Variants in CADPS2 observed in about 807,000 individuals in gnomAD.
CADPS2 encodes the protein calcium dependent secretion activator 2, also known as calcium-dependent secretion activator 2.
Under a neutral mutation model 172.5 loss-of-function variants are expected in CADPS2, and 93 were observed. The ratio of observed to expected loss-of-function variants is 0.54; its 90% CI spans 0.46 to 0.64. The LOEUF (loss-of-function observed/expected upper bound fraction) is 0.64, where lower values mean the gene tolerates loss of function less well. Among genes scored for constraint, CADPS2 ranks in the 30% least tolerant of loss-of-function variants. CADPS2 has a pLI of 0.00. For synonymous variants in CADPS2, 546 were observed against 555.2 expected, an observed-to-expected ratio of 0.98 and a Z score of 0.23; for missense variants, 1,420 against 1,565.9, an observed-to-expected ratio of 0.91 and a Z score of 1.57.
chr7:122,837,959 T>A lies in CADPS2; in HGVS notation c.339+48040A>T, dbSNP rs185541983. On this transcript the variant is annotated intron_variant, in intron 1 of 29. Transcript: ENST00000449022. ...CCAGCATCATCCTGATACCAAAGCC[T>A]GGCAGAGACACAACAAAAAAAGAGA... 1.8e-4 allele frequency among the ~76,000 whole-genome samples: 27 copies of A among 152,162 alleles called. No homozygotes were observed. The East Asian group carries it at 5.0e-3, about 28-fold the overall frequency.
chr7:122,437,558 T>A, intron 17 of CADPS2, among the ~76,000 whole-genome samples: 1 of 152,220 alleles, frequency 6.6e-6, no homozygotes, highest in Non-Finnish European at 1.5e-5. Flanking sequence ...ACTTTTATTT[T>A]CAGATAAGTA....
At chr7:122,645,422 T>C (rs1481072205) in intron 3 of CADPS2, among the ~76,000 whole-genome samples, 3 of 100,958 alleles carry the variant, frequency 3.0e-5, no homozygotes, top group African/African-American at 6.6e-5. Context: ...CACATGTATA[T>C]GTGTGTATAT....
At chr7:122,503,030 CTTTT>C (rs11293004) in intron 9 of CADPS2, among the ~76,000 whole-genome samples, 9 of 102,780 alleles carry the variant, frequency 8.8e-5, no homozygotes, top group East Asian at 3.0e-4. Flanking sequence ...GAGAAAAAAA[CTTTT>C]TTTTTTTTTT....
chr7:122,522,432 A>G (rs2060881003), intron 8 of CADPS2, among the ~76,000 whole-genome samples: 2 of 152,012 alleles, frequency 1.3e-5, no homozygotes, highest in Admixed American at 1.3e-4. Context: ...ATTAAAAAAA[A>G]ATTTTACTGA....
chr7:122,673,287 T>C (rs1588308552), intron 2 of CADPS2, among the ~76,000 whole-genome samples: 1 of 152,324 alleles, frequency 6.6e-6, no homozygotes, highest in Admixed American at 6.5e-5. Flanking sequence ...TTTATTCCTT[T>C]ATCTGGCCCC....
intron 1 of CADPS2, among the ~76,000 whole-genome samples, chr7:122,817,303 C>T (rs1023675928): frequency 1.3e-5 from 2 of 152,182 alleles, no homozygotes; most frequent in African/African-American, 4.8e-5. Flanking sequence ...GCCCAAGGAA[C>T]ATCTCACCAA....
chr7:122,782,085 ATAAT>A (rs1315384047), intron 1 of CADPS2, among the ~76,000 whole-genome samples: 2 of 152,308 alleles, frequency 1.3e-5, no homozygotes, highest in South Asian at 4.1e-4. Flanking sequence ...ATTATTCTAA[ATAAT>A]TATTTACATT....
chr7:122,455,227 G>A (rs545324337), intron 14 of CADPS2, among the ~76,000 whole-genome samples: 1 of 152,178 alleles, frequency 6.6e-6, no homozygotes, highest in South Asian at 2.1e-4. Context: ...CTGCCTGAGA[G>A]TGCTTTCTCT....
intron 28 of CADPS2, among the ~76,000 whole-genome samples, chr7:122,327,079 A>G (rs1440134739): frequency 2.0e-5 from 3 of 152,082 alleles, no homozygotes; most frequent in Non-Finnish European, 4.4e-5. Flanking sequence ...TATTCAGGAC[A>G]TGTAAAAATT....
intron 6 of CADPS2, among the ~76,000 whole-genome samples, chr7:122,588,581 A>C (rs1452436223): frequency 6.6e-6 from 1 of 152,004 alleles, no homozygotes; most frequent in Non-Finnish European, 1.5e-5. Flanking sequence ...AGATTCTTCT[A>C]ATAATAGAAT....
chr7:122,668,802 A>G (rs898188207), intron 2 of CADPS2, among the ~76,000 whole-genome samples: 1 of 152,198 alleles, frequency 6.6e-6, no homozygotes, highest in Admixed American at 6.5e-5. Flanking sequence ...AGTGGTGAAG[A>G]GGAGAAGCTC....
chr7:122,698,977 T>C, intron 2 of CADPS2: 1 of 1,195,728 alleles, frequency 8.4e-7, no homozygotes, highest in Non-Finnish European at 1.2e-6. Context: ...TGTTGACAAT[T>C]AATTTAAAAT....
intron 6 of CADPS2, among the ~76,000 whole-genome samples, chr7:122,597,883 T>C (rs981524666): frequency 6.6e-6 from 1 of 151,914 alleles, no homozygotes; most frequent in African/African-American, 2.4e-5. Flanking sequence ...ACAGAACTTT[T>C]GGCAAAGGCA....
At chr7:122,355,159 T>C (rs1033784461) in intron 27 of CADPS2, among the ~76,000 whole-genome samples, 2 of 152,256 alleles carry the variant, frequency 1.3e-5, no homozygotes, top group African/African-American at 4.8e-5. Flanking sequence ...CATCTTCAAC[T>C]GTGCTATAAT....
At chr7:122,701,537 A>G (rs2086093863) in intron 2 of CADPS2, 1 of 172,886 alleles carries the variant, frequency 5.8e-6, no homozygotes, top group South Asian at 1.5e-4. Context: ...ACATGTATAC[A>G]TATGTAACTA....
At chr7:122,769,326 G>T (rs2093644342) in intron 1 of CADPS2, among the ~76,000 whole-genome samples, 1 of 152,164 alleles carries the variant, frequency 6.6e-6, no homozygotes, top group Non-Finnish European at 1.5e-5. Context: ...AGGATAGATA[G>T]AGCTTTCCGT....
intron 19 of CADPS2, 46 bp from the exon 20 acceptor site, chr7:122,407,742 A>G: frequency 6.6e-7 from 1 of 1,509,172 alleles, no homozygotes; most frequent in Non-Finnish European, 9.1e-7. Context: ...ATTACTTTTT[A>G]GAAACATGCA....
At chr7:122,826,347 CA>C (rs1804865034) in intron 1 of CADPS2, among the ~76,000 whole-genome samples, 1 of 152,144 alleles carries the variant, frequency 6.6e-6, no homozygotes, top group Admixed American at 6.5e-5. Flanking sequence ...CCAGTTAAAA[CA>C]CAAAGTTTAA....
intron 3 of CADPS2, among the ~76,000 whole-genome samples, chr7:122,647,137 G>T (rs2078648295): frequency 6.6e-6 from 1 of 152,120 alleles, no homozygotes. Flanking sequence ...ACGAGGAATT[G>T]ATCTACCTAA....
Sources: allele counts gnomAD v4.1 joint callset (sites outside exome capture counted in the v4.1 genomes callset), GRCh38; gene constraint gnomAD v4.1.1; transcripts MANE v1.5; gene names NCBI Gene and HGNC (gene_info 2026-07-23, HGNC 2026-07-21).